Variants in TMEM218 observed in about 807,000 individuals in gnomAD.
TMEM218 encodes the protein transmembrane protein 218.
Under a neutral mutation model 10.0 loss-of-function variants are expected in TMEM218, and 8 were observed. That is an observed-to-expected ratio of 0.80 (90% CI 0.47 to 1.44). TMEM218 has a LOEUF of 1.44. TMEM218 is among the 40% of genes most tolerant of loss of function. The pLI is 0.00. For synonymous variants in TMEM218, 66 were observed against 63.5 expected, an observed-to-expected ratio of 1.04 and a Z score of -0.18; for missense variants, 110 against 140.1, an observed-to-expected ratio of 0.79 and a Z score of 1.08.
chr11:125,111,139 G>C (rs1424204551), intron 1 of TMEM218, among the ~76,000 whole-genome samples: 1 of 152,098 alleles, frequency 6.6e-6, no homozygotes, highest in Non-Finnish European at 1.5e-5. Context: ...CCGCTCTCTG[G>C]ATCTCACAGC....
intron 1 of TMEM218, among the ~76,000 whole-genome samples, chr11:125,111,273 T>C (rs1455628953): frequency 6.6e-6 from 1 of 152,144 alleles, no homozygotes; most frequent in Non-Finnish European, 1.5e-5. Context: ...CCTGGCCACC[T>C]CCCAGGAGCT....
At chr11:125,102,073 T>C (rs1283302266) in intron 3 of TMEM218, 59 bp downstream of exon 3, 1 of 1,466,050 alleles carries the variant, frequency 6.8e-7, no homozygotes, top group South Asian at 1.5e-5. Flanking sequence ...TTAGTGAGCA[T>C]CAGCGATTTT....
chr11:125,105,557 T>C (rs1951916473), intron 1 of TMEM218, among the ~76,000 whole-genome samples: 1 of 152,058 alleles, frequency 6.6e-6, no homozygotes, highest in African/African-American at 2.4e-5. Context: ...ATAATGACAA[T>C]TTTTGAGGGG....
At position 125,095,088 on chromosome 11, in the gene TMEM218, T is replaced by C. The variant is rs535390997; in HGVS notation, c.*2518A>G. Reference sequence around the variant, plus strand: ...TTTAAGGAACTTAACAAATTACCCATTGTGATCTCCATTGTGGGGATAGGG... The same window carrying C: ...TTTAAGGAACTTAACAAATTACCCACTGTGATCTCCATTGTGGGGATAGGG... On this transcript the variant is annotated 3_prime_UTR_variant, in exon 5 of 5. Coordinates refer to ENST00000682305, the MANE Select transcript of TMEM218 (RefSeq NM_001258244.2). 1.3e-5 allele frequency among the ~76,000 whole-genome samples: 2 copies of C among 152,348 alleles called. No homozygotes were observed. Among genetic ancestry groups the C allele is most frequent in the Admixed American group, 1.3e-4 (2 of 15,300 alleles).
In TMEM218 at chr11:125,111,124, T is replaced by C. The variant is rs569253031; in HGVS notation, c.-153+415A>G. On this transcript the variant is annotated intron_variant, in intron 1 of 4. Transcript: ENST00000682305. ...GGTTGGAAGCGCTGCAGAGCCTCGGTCTATCCGCTCTCTGGATCTCACAGC... is the reference window on the plus strand; with the variant it reads ...GGTTGGAAGCGCTGCAGAGCCTCGGCCTATCCGCTCTCTGGATCTCACAGC... Among the ~76,000 whole-genome samples the C allele has an allele frequency of 8.1e-4, 124 of 152,234 alleles. 1 individual carries two copies. Among genetic ancestry groups the C allele is most frequent in the African/African-American group, 2.8e-3 (118 of 41,534 alleles).
At position 125,109,126 on chromosome 11, in the gene TMEM218, T is replaced by C. The variant is rs149246761; in HGVS notation, c.-153+2413A>G. Among the ~76,000 whole-genome samples, 7 of 152,246 alleles carry C rather than the reference T, an allele frequency of 4.6e-5. No individual in the cohort carries two copies. The East Asian group carries it at 1.2e-3, about 25-fold the overall frequency. On this transcript the variant is annotated intron_variant, in intron 1 of 4. Transcript: ENST00000682305. ...ATCAGGGAACAGATACAATATTATA[T>C]ATTCATAATGAATACTTAAAATGAA...
In TMEM218 at chr11:125,107,448, A is replaced by C. The variant is rs1952480773; in HGVS notation, c.-153+4091T>G. Among the ~76,000 whole-genome samples, 3 of 152,144 alleles carry C rather than the reference A, an allele frequency of 2.0e-5. No homozygotes were observed. The South Asian group carries it at 6.2e-4, about 32-fold the overall frequency. On this transcript the variant is annotated intron_variant, in intron 1 of 4. Transcript: ENST00000682305. ...GAAGCATTGCAAAAACCTTTTATGA[A>C]ATGATTGGGGAAATCTGAAGAATAT...
intron 1 of TMEM218, among the ~76,000 whole-genome samples, chr11:125,107,799 GTATA>G (rs55846847): frequency 4.9e-5 from 4 of 82,334 alleles, no homozygotes; most frequent in African/African-American, 6.6e-5. Flanking sequence ...GGATATGTGT[GTATA>G]TATATATATA....
At chr11:125,101,428 G>A (rs1345110648) in intron 3 of TMEM218, 125 bp from the exon 4 acceptor site, 2 of 1,528,396 alleles carry the variant, frequency 1.3e-6, no homozygotes, top group Non-Finnish European at 1.8e-6. Context: ...ATGTCCAGAG[G>A]CCTGCTGTCA....
intron 4 of TMEM218, among the ~76,000 whole-genome samples, chr11:125,099,760 C>T (rs961002205): frequency 2.0e-5 from 3 of 151,870 alleles, no homozygotes; most frequent in African/African-American, 4.8e-5. Flanking sequence ...CCTATCTCTA[C>T]CAAAAATACA....
At chr11:125,104,289 A>G (rs1951615995) in intron 1 of TMEM218, 1 of 152,238 alleles carries the variant, frequency 6.6e-6, no homozygotes, top group African/African-American at 2.4e-5. Flanking sequence ...CGGTCACTCT[A>G]ACACGCCCGG....
At chr11:125,105,563 A>G (rs1270346979) in intron 1 of TMEM218, among the ~76,000 whole-genome samples, 1 of 152,214 alleles carries the variant, frequency 6.6e-6, no homozygotes. Flanking sequence ...ACAATTTTTG[A>G]GGGGTTAAAA....
chr11:125,102,212 C>G lies in TMEM218; in HGVS notation c.30G>C (p.Ala10=). Residue 10 remains alanine, a synonymous_variant, in exon 3 of 5, where the codon GCG becomes GCC. Coordinates refer to ENST00000682305, the MANE Select transcript of TMEM218 (RefSeq NM_001258244.2). The stretch of plus-strand genomic sequence containing the variant: ...AGAGCAGGGCTAAGATGAACACGCC[C>G]GCACCGACTCCGAGCACAGTGCCAG... MAGTVLGVG[A]GVFILALLWV... 6.2e-7 allele frequency: 1 copy of G among 1,613,132 alleles called. No individual in the cohort carries two copies. Among genetic ancestry groups the G allele is most frequent in the Non-Finnish European group, 8.5e-7 (1 of 1,179,618 alleles).
In TMEM218 at chr11:125,102,284, C is replaced by T. The variant is rs777199868; in HGVS notation, c.-43G>A. On this transcript the variant is annotated 5_prime_UTR_variant, in exon 3 of 5. The change creates a new upstream start codon in the 5' untranslated region. Transcript: ENST00000682305. ...GCGGCCCCCCGCCCTGCGCGCCGCA[C>T]GATCGAGTGTCCTCTGTGCTCCAGT... The T allele has an allele frequency of 1.9e-5, 31 of 1,596,196 alleles. No homozygotes were observed. Among genetic ancestry groups the T allele is most frequent in the Admixed American group, 5.4e-5 (3 of 55,992 alleles).
intron 2 of TMEM218, 79 bp from the exon 3 acceptor site, chr11:125,102,396 G>C: frequency 6.6e-7 from 1 of 1,523,064 alleles, no homozygotes; most frequent in Non-Finnish European, 8.7e-7. Context: ...TGTGTTAGGA[G>C]GATTACTCAG....
rs1478226167 is a variant in TMEM218, at chr11:125,102,219, A to G, written c.23T>C (p.Val8Ala). 6.2e-7 allele frequency: 1 copy of G among 1,612,734 alleles called. No homozygotes were observed. Among genetic ancestry groups the G allele is most frequent in the Non-Finnish European group, 8.5e-7 (1 of 1,179,518 alleles). MAGTVLG[V>A]GAGVFILALL... The stretch of plus-strand genomic sequence containing the variant: ...GGCTAAGATGAACACGCCCGCACCG[A>G]CTCCGAGCACAGTGCCAGCCATCCC... The change falls in exon 3 of 5, where the codon GTC becomes GCC. Residue 8 changes from valine to alanine, a missense_variant. Val to Ala is a moderately conservative substitution (Grantham distance 64, BLOSUM62 0). Coordinates refer to ENST00000682305, the MANE Select transcript of TMEM218 (RefSeq NM_001258244.2).
chr11:125,102,931 T>C (rs1951163887), intron 1 of TMEM218, 122 bp from the exon 2 acceptor site: 3 of 314,242 alleles, frequency 9.5e-6, no homozygotes. Flanking sequence ...ATAGCCATGT[T>C]ACAGGATGGG....
chr11:125,111,244 C>A (rs1178143287), intron 1 of TMEM218, among the ~76,000 whole-genome samples: 1 of 152,180 alleles, frequency 6.6e-6, no homozygotes, highest in East Asian at 1.9e-4. Context: ...CCCCCCATGT[C>A]TCGTCTTCAG....
chr11:125,104,047 T>C (rs1202963339), intron 1 of TMEM218: 1 of 152,214 alleles, frequency 6.6e-6, no homozygotes, highest in Admixed American at 6.5e-5. Context: ...GAGAACATTG[T>C]CCTGAAAACA....
Sources: allele counts gnomAD v4.1 joint callset (sites outside exome capture counted in the v4.1 genomes callset), GRCh38; gene constraint gnomAD v4.1.1; transcripts MANE v1.5; gene names NCBI Gene and HGNC (gene_info 2026-07-23, HGNC 2026-07-21).